KCNQ5: variants seen among roughly 807,000 people sequenced by gnomAD.
The protein encoded by KCNQ5 is potassium voltage-gated channel subfamily Q member 5.
Under a neutral mutation model 98.2 loss-of-function variants are expected in KCNQ5, and 30 were observed. That is an observed-to-expected ratio of 0.31 (90% CI 0.23 to 0.41). The LOEUF (loss-of-function observed/expected upper bound fraction) is 0.41. Ranked by LOEUF, KCNQ5 falls within the 10% of genes least tolerant of loss-of-function variation. The pLI is 1.00. For synonymous variants in KCNQ5, 458 were observed against 449.4 expected (o/e 1.02, Z -0.24); for missense variants, 835 against 1,182.5 (o/e 0.71, Z 4.31).
At chr6:72,634,600 C>T (rs1469397584) in intron 1 of KCNQ5, among the ~76,000 whole-genome samples, 1 of 152,192 alleles carries the variant, frequency 6.6e-6, no homozygotes, top group Non-Finnish European at 1.5e-5. Context: ...GAGAGTCACT[C>T]TGTTGCCCAG....
intron 5 of KCNQ5, among the ~76,000 whole-genome samples, chr6:73,103,764 A>G (rs906393585): frequency 1.4e-5 from 2 of 145,360 alleles, no homozygotes; most frequent in Admixed American, 6.9e-5. Context: ...CCAAAAAAAA[A>G]CCAGAAAGAG....
intron 1 of KCNQ5, among the ~76,000 whole-genome samples, chr6:72,833,158 G>A (rs533935050): frequency 7.9e-5 from 12 of 152,200 alleles, no homozygotes; most frequent in Admixed American, 2.0e-4. Flanking sequence ...TGAACTGTTC[G>A]ACAGGCCACT....
chr6:73,100,245 G>C (rs1182527426), intron 5 of KCNQ5, among the ~76,000 whole-genome samples: 1 of 152,074 alleles, frequency 6.6e-6, no homozygotes, highest in East Asian at 1.9e-4. Context: ...CAGTAAAGAA[G>C]AAAAACTTCA....
At chr6:72,784,021 G>A (rs962761554) in intron 1 of KCNQ5, among the ~76,000 whole-genome samples, 43 of 152,118 alleles carry the variant, frequency 2.8e-4, no homozygotes, top group Non-Finnish European at 5.9e-5. Flanking sequence ...TACCAAATGT[G>A]GAGGTAACAT....
intron 13 of KCNQ5, 92 bp downstream of exon 13, chr6:73,192,783 T>A: frequency 9.3e-7 from 1 of 1,075,494 alleles, no homozygotes; most frequent in Non-Finnish European, 1.3e-6. Context: ...GTGATTATTT[T>A]AAAATAAATA....
chr6:72,848,781 G>A (rs1777119534), intron 1 of KCNQ5, among the ~76,000 whole-genome samples: 1 of 152,126 alleles, frequency 6.6e-6, no homozygotes, highest in Non-Finnish European at 1.5e-5. Flanking sequence ...GTTCTCACGA[G>A]ATCTAATGGT....
At chr6:73,135,535 C>A (rs1481940564) in intron 10 of KCNQ5, 1 of 152,004 alleles carries the variant, frequency 6.6e-6, no homozygotes, top group African/African-American at 2.4e-5. Context: ...CCTGCCCCTA[C>A]TCTAGGGGCC....
intron 1 of KCNQ5, among the ~76,000 whole-genome samples, chr6:72,877,291 A>G (rs143708229): frequency 2.0e-5 from 3 of 152,028 alleles, no homozygotes; most frequent in Non-Finnish European, 2.9e-5. Flanking sequence ...TTCAACTCCC[A>G]CTTATGAAGG....
Position 72,856,922 on chromosome 6 carries a change from T to G in KCNQ5, c.399-146986T>G, listed in dbSNP as rs149794415. Among the ~76,000 whole-genome samples, 711 of 152,292 alleles carry G rather than the reference T, an allele frequency of 4.7e-3. 11 individuals carry two copies. Among genetic ancestry groups the G allele is most frequent in the East Asian group, 0.025 (128 of 5,170 alleles). On this transcript the variant is annotated intron_variant, in intron 1 of 13. Coordinates refer to ENST00000370398, the MANE Select transcript of KCNQ5 (RefSeq NM_019842.4). ...CCGTGGGGCTGGAGATGCAGAATGC[T>G]GGGGATATGCCTGAGGGTTATGGAC...
chr6:73,074,567 G>A (rs1037421159), intron 3 of KCNQ5, among the ~76,000 whole-genome samples: 1 of 151,884 alleles, frequency 6.6e-6, no homozygotes, highest in African/African-American at 2.4e-5. Flanking sequence ...ACTTTTCTAG[G>A]TTTTCTCTAA....
chr6:72,964,795 A>G (rs1310714113), intron 1 of KCNQ5, among the ~76,000 whole-genome samples: 1 of 152,198 alleles, frequency 6.6e-6, no homozygotes, highest in African/African-American at 2.4e-5. Context: ...CAGAGCAACA[A>G]AAAAATTTTA....
At chr6:72,825,489 A>G (rs906488065) in intron 1 of KCNQ5, among the ~76,000 whole-genome samples, 5 of 152,226 alleles carry the variant, frequency 3.3e-5, no homozygotes, top group Non-Finnish European at 5.9e-5. Context: ...CACTGAGTGC[A>G]GACTGGAACT....
intron 11 of KCNQ5, among the ~76,000 whole-genome samples, chr6:73,189,618 C>A (rs529889705): frequency 6.6e-6 from 1 of 152,242 alleles, no homozygotes; most frequent in Admixed American, 6.5e-5. Context: ...CATTTAGTAG[C>A]TGAAAAACAC....
intron 1 of KCNQ5, among the ~76,000 whole-genome samples, chr6:72,753,376 G>A (rs987757424): frequency 6.6e-6 from 1 of 152,006 alleles, no homozygotes; most frequent in Non-Finnish European, 1.5e-5. Flanking sequence ...TGGATATTTG[G>A]TTTGGTGATT....
intron 1 of KCNQ5, among the ~76,000 whole-genome samples, chr6:72,737,801 G>A (rs1461050811): frequency 6.6e-6 from 1 of 152,068 alleles, no homozygotes; most frequent in Non-Finnish European, 1.5e-5. Flanking sequence ...TATCTGCAGG[G>A]AAGGTGCAAG....
intron 1 of KCNQ5, among the ~76,000 whole-genome samples, chr6:72,696,264 A>C (rs932077489): frequency 6.6e-6 from 1 of 152,210 alleles, no homozygotes; most frequent in African/African-American, 2.4e-5. Flanking sequence ...ATTATACAGC[A>C]GTGAAAATAG....
chr6:72,825,115 G>C (rs192597441), intron 1 of KCNQ5, among the ~76,000 whole-genome samples: 31 of 151,736 alleles, frequency 2.0e-4, no homozygotes, highest in African/African-American at 6.8e-4. Flanking sequence ...CTAGAAGAAG[G>C]CTAGGGAGAA....
chr6:72,893,002 T>C (rs552265517), intron 1 of KCNQ5, among the ~76,000 whole-genome samples: 56 of 152,202 alleles, frequency 3.7e-4, no homozygotes, highest in Non-Finnish European at 8.1e-4. Context: ...GGCGGCCATG[T>C]TCATTTTCCA....
intron 9 of KCNQ5, among the ~76,000 whole-genome samples, chr6:73,124,905 C>T (rs1402496044): frequency 7.0e-6 from 1 of 142,504 alleles, no homozygotes; most frequent in Non-Finnish European, 1.5e-5. Flanking sequence ...CTAGGATACA[C>T]TCCCCTTCAC....
Sources: gnomAD v4.1 joint callset for allele counts (sites outside exome capture counted in the v4.1 genomes callset) on GRCh38, gnomAD v4.1.1 for gene constraint, MANE v1.5 for transcripts, NCBI Gene and HGNC (gene_info 2026-07-23, HGNC 2026-07-21) for gene names.